EIF4G3: variants seen among roughly 807,000 people sequenced by gnomAD.
EIF4G3 encodes eukaryotic translation initiation factor 4 gamma 3.
In EIF4G3, 34 loss-of-function variants were observed where a neutral mutation model predicts 186.4. That is an observed-to-expected ratio of 0.18 (90% CI 0.14 to 0.24). The LOEUF (loss-of-function observed/expected upper bound fraction) is 0.24, where lower values mean the gene tolerates loss of function less well. Ranked by LOEUF, EIF4G3 falls within the 10% of genes least tolerant of loss-of-function variation. The pLI is 1.00. For missense variants in EIF4G3, 1,536 were observed against 1,948.5 expected (o/e 0.79, Z 3.99); for synonymous variants, 673 against 679.5 (o/e 0.99, Z 0.15).
At chr1:21,173,484 C>G (rs925141012) in intron 2 of EIF4G3, among the ~76,000 whole-genome samples, 3 of 152,056 alleles carry the variant, frequency 2.0e-5, no homozygotes, top group Admixed American at 6.6e-5. Flanking sequence ...GCCAGGAGTT[C>G]GAGACCAGCC....
At chr1:20,822,558 G>T (rs1270952876) in intron 33 of EIF4G3, among the ~76,000 whole-genome samples, 1 of 149,072 alleles carries the variant, frequency 6.7e-6, no homozygotes, top group Non-Finnish European at 1.5e-5. Flanking sequence ...TATTTGCTTG[G>T]AGCTTCATTT....
rs1205929808 is a variant in EIF4G3 at position 20,841,857 on chromosome 1, CAAGGGGGAGGATGTAGGTAGG to C, written c.3889-850_3889-830del. ...AACCTTTGCAGCAAAGTAGCTCTTC[CAAGGGGGAGGATGTAGGTAGG>C]AAGGGGGAGGATGTAGGTAGGAAGG... On this transcript the variant is annotated intron_variant, in intron 29 of 36. Transcript: ENST00000602326. Among the ~76,000 whole-genome samples the C allele has an allele frequency of 6.7e-3, 939 of 140,700 alleles. 11 individuals carry two copies. Among genetic ancestry groups the C allele is most frequent in the African/African-American group, 0.022 (838 of 38,238 alleles). The allele number at this position is 140,700 out of a possible 152,430, so 92.3% of individuals were successfully genotyped here. A position where few individuals can be genotyped will look rare whatever the true frequency, so the allele number is the denominator to read the frequency against.
chr1:20,917,002 A>G, intron 14 of EIF4G3, among the ~76,000 whole-genome samples: 1 of 152,248 alleles, frequency 6.6e-6, no homozygotes, highest in African/African-American at 2.4e-5. Flanking sequence ...TTCACCCAAG[A>G]AAAATGACAG....
At chr1:20,927,842 A>G (rs1377548187) in intron 14 of EIF4G3, among the ~76,000 whole-genome samples, 2 of 152,090 alleles carry the variant, frequency 1.3e-5, no homozygotes, top group Non-Finnish European at 2.9e-5. Context: ...ATGCCTCTAG[A>G]ATGATTGCTA....
chr1:21,034,948 A>T (rs1461374406), intron 4 of EIF4G3, among the ~76,000 whole-genome samples: 1 of 151,974 alleles, frequency 6.6e-6, no homozygotes, highest in African/African-American at 2.4e-5. Context: ...CTGGGGCTGC[A>T]GGGGGACCCT....
chr1:20,884,380 T>TG (rs1207594574), intron 19 of EIF4G3, among the ~76,000 whole-genome samples: 5 of 151,914 alleles, frequency 3.3e-5, no homozygotes, highest in African/African-American at 1.2e-4. Context: ...AGTTTCCTCA[T>TG]GAAAAAAAAG....
chr1:20,875,446 G>A (rs112360127), intron 20 of EIF4G3, among the ~76,000 whole-genome samples: 165 of 152,306 alleles, frequency 1.1e-3, no homozygotes, highest in African/African-American at 3.9e-3. Flanking sequence ...ACAGACAACT[G>A]TTTAACAGTA....
At chr1:20,853,487 C>A in intron 27 of EIF4G3, 73 bp downstream of exon 27, 1 of 958,140 alleles carries the variant, frequency 1.0e-6, no homozygotes, top group African/African-American at 1.6e-5. Context: ...CTATCAAAAC[C>A]CTTGTTCTTA....
chr1:21,062,535 A>C (rs551020684), intron 3 of EIF4G3, among the ~76,000 whole-genome samples: 1 of 152,340 alleles, frequency 6.6e-6, no homozygotes, highest in African/African-American at 2.4e-5. Context: ...ATCTAGCACC[A>C]CGGAGAAGAC....
At chr1:20,904,709 T>C (rs778550377) in intron 15 of EIF4G3, among the ~76,000 whole-genome samples, 174 bp downstream of exon 15, 1 of 152,180 alleles carries the variant, frequency 6.6e-6, no homozygotes, top group East Asian at 1.9e-4. Context: ...AAATCAAACA[T>C]GTTACTAAAA....
At position 20,950,106 on chromosome 1, in the gene EIF4G3, C is replaced by G. The variant is rs1162277598; in HGVS notation, c.720G>C (p.Leu240=). Residue 240 remains leucine, a synonymous_variant, in exon 13 of 37, where the codon CTG becomes CTC. Transcript: ENST00000602326. ...GGCTGTGCTCGGGGACCTGGCTGGG[C>G]AGCTGCTGGGATTTGAAGTACAAAA... is the stretch of plus-strand genomic sequence containing the variant. ...PTSTPTPPQQ[L]PSQVPEHSPV... 6.3e-7 allele frequency: 1 copy of G among 1,583,262 alleles called. No individual in the cohort carries two copies. Among genetic ancestry groups the G allele is most frequent in the African/African-American group, 1.4e-5 (1 of 72,994 alleles).
intron 14 of EIF4G3, among the ~76,000 whole-genome samples, chr1:20,929,167 A>C (rs1178011006): frequency 6.6e-6 from 1 of 152,082 alleles, no homozygotes; most frequent in East Asian, 1.9e-4. Context: ...TGGCTGCCCT[A>C]TTCATTTTCC....
At chr1:20,819,349 G>C (rs1011785255) in intron 33 of EIF4G3, among the ~76,000 whole-genome samples, 4 of 150,062 alleles carry the variant, frequency 2.7e-5, no homozygotes, top group Middle Eastern at 3.5e-3. Context: ...ACAGGGTCTT[G>C]CTCTTTCGCT....
chr1:20,981,687 C>CATAT (rs1205189009), intron 8 of EIF4G3, among the ~76,000 whole-genome samples: 13 of 132,782 alleles, frequency 9.8e-5, no homozygotes, highest in East Asian at 6.6e-4. Context: ...TGTATACATA[C>CATAT]ATGTATACGC....
chr1:21,167,463 G>A (rs1024620012), intron 2 of EIF4G3, among the ~76,000 whole-genome samples: 1 of 152,258 alleles, frequency 6.6e-6, no homozygotes, highest in African/African-American at 2.4e-5. Flanking sequence ...GAGATGAAGA[G>A]TTCGAGACCA....
intron 2 of EIF4G3, among the ~76,000 whole-genome samples, chr1:21,160,437 G>A (rs1256439622): frequency 6.6e-6 from 1 of 152,168 alleles, no homozygotes; most frequent in Middle Eastern, 3.2e-3. Context: ...CAAAGTTTGA[G>A]AAGATTCTAA....
In EIF4G3 at chr1:21,023,449, A is replaced by G. The variant is rs1364223441; in HGVS notation, c.-66-20641T>C. 4.6e-5 allele frequency among the ~76,000 whole-genome samples: 7 copies of G among 151,826 alleles called. No individual in the cohort carries two copies. In the South Asian group the frequency reaches 6.2e-4, roughly 14 times the overall value. On this transcript the variant is annotated intron_variant, in intron 4 of 36. Transcript: ENST00000602326. ...ATGCCTGACTGGTTTTGGTGGAGAC[A>G]GGGTTTCGCTGTGTTGGCCGGGCCA...
chr1:20,941,124 G>A (rs1313261943), intron 14 of EIF4G3: 3 of 1,130,152 alleles, frequency 2.7e-6, no homozygotes, highest in Non-Finnish European at 3.6e-6. Flanking sequence ...GACAGAATTA[G>A]GGACTATAGA....
intron 4 of EIF4G3, chr1:21,003,770 C>T: frequency 2.2e-6 from 1 of 449,922 alleles, no homozygotes; most frequent in Non-Finnish European, 4.4e-6. Flanking sequence ...TCCCTGCTCT[C>T]TGATCATCAA....
Sources: gnomAD v4.1 joint callset for allele counts (sites outside exome capture counted in the v4.1 genomes callset) on GRCh38, gnomAD v4.1.1 for gene constraint, MANE v1.5 for transcripts, NCBI Gene and HGNC (gene_info 2026-07-23, HGNC 2026-07-21) for gene names.